The following STOX1 variants were observed in gnomAD, a reference collection of about 807,000 sequenced individuals.
The protein encoded by STOX1 is storkhead-box protein 1.
Under a neutral mutation model 74.8 loss-of-function variants are expected in STOX1, and 57 were observed. The observed-to-expected ratio is 0.76, with a 90% CI of 0.62 to 0.95. The LOEUF is 0.95. STOX1 is among the 40% of genes least tolerant of loss of function. The pLI, the probability that STOX1 is intolerant of heterozygous loss-of-function variation, is 0.00. For missense variants in STOX1, 1,010 were observed against 1,117.0 expected (o/e 0.90, Z 1.37); for synonymous variants, 375 against 401.3 (o/e 0.93, Z 0.78).
chr10:68,828,207 T>A, intron 1 of STOX1: 1 of 937,750 alleles, frequency 1.1e-6, no homozygotes, highest in Admixed American at 5.0e-5. Flanking sequence ...CTGCAGGTGC[T>A]GCGCGATGCC....
intron 1 of STOX1, among the ~76,000 whole-genome samples, chr10:68,872,799 A>G (rs1413333888): frequency 2.0e-5 from 3 of 152,138 alleles, no homozygotes; most frequent in African/African-American, 7.2e-5. Flanking sequence ...GGGCCTTAAA[A>G]TCAGATTCAA....
chr10:68,875,349 C>T (rs1367103036), intron 1 of STOX1, among the ~76,000 whole-genome samples: 2 of 152,150 alleles, frequency 1.3e-5, no homozygotes, highest in Admixed American at 6.5e-5. Flanking sequence ...TTTAGGAGTC[C>T]ACAGGGCCCC....
At position 68,842,427 on chromosome 10, in the gene STOX1, CATG is replaced by C. The variant is rs1839715553; in HGVS notation, c.310+14497_310+14499del. Among the ~76,000 whole-genome samples, 3 of 152,202 alleles carry C rather than the reference CATG, an allele frequency of 2.0e-5. No homozygotes were observed. The South Asian group carries it at 6.2e-4, about 32-fold the overall frequency. ...ATCATTTGCGATGTTAAGCTTATTC[CATG>C]ATAATTGACTCTTTTTTCTCTTAAT... On this transcript the variant is annotated intron_variant, in intron 1 of 3. Coordinates refer to ENST00000298596, the MANE Select transcript of STOX1 (RefSeq NM_152709.5).
At chr10:68,889,029 G>C (rs1212104252) in intron 3 of STOX1, among the ~76,000 whole-genome samples, 1 of 151,908 alleles carries the variant, frequency 6.6e-6, no homozygotes. Context: ...GTCACCAGCT[G>C]GAGTGCAATG....
intron 1 of STOX1, among the ~76,000 whole-genome samples, chr10:68,848,226 C>T (rs1839901346): frequency 6.6e-6 from 1 of 152,192 alleles, no homozygotes; most frequent in Non-Finnish European, 1.5e-5. Flanking sequence ...TTTTCCTTCC[C>T]ATGTCTCCTT....
chr10:68,856,090 A>G (rs1159985348), intron 1 of STOX1, among the ~76,000 whole-genome samples: 2 of 152,064 alleles, frequency 1.3e-5, no homozygotes, highest in Admixed American at 6.5e-5. Flanking sequence ...AAGAGGGCAC[A>G]GGGTAGCAGG....
intron 1 of STOX1, among the ~76,000 whole-genome samples, chr10:68,860,270 T>A (rs12766549): frequency 6.7e-6 from 1 of 149,212 alleles, no homozygotes; most frequent in Non-Finnish European, 1.5e-5. Context: ...TCTGTCTCGG[T>A]GGGGGAAAGA....
chr10:68,865,388 G>T (rs897581328), intron 1 of STOX1, among the ~76,000 whole-genome samples: 1 of 152,218 alleles, frequency 6.6e-6, no homozygotes, highest in East Asian at 1.9e-4. Context: ...AGTGGCTCAC[G>T]CCTGTAATCC....
intron 1 of STOX1, among the ~76,000 whole-genome samples, chr10:68,853,059 A>G (rs367920917): frequency 1.3e-5 from 2 of 151,738 alleles, no homozygotes; most frequent in African/African-American, 4.9e-5. Flanking sequence ...AGTAGCTGGG[A>G]TTACAGGCAT....
chr10:68,894,547 T>C (rs1357933636), downstream of STOX1, among the ~76,000 whole-genome samples: 1 of 152,158 alleles, frequency 6.6e-6, no homozygotes, highest in Non-Finnish European at 1.5e-5. Flanking sequence ...TACCACTGCA[T>C]TCTTAGAAGA....
chr10:68,874,013 C>CTTTTTTTTTTTTTTTTTTTTTTTTTT (rs1160388935), intron 1 of STOX1, among the ~76,000 whole-genome samples: 1 of 25,758 alleles, frequency 3.9e-5, no homozygotes, highest in African/African-American at 1.8e-4. Flanking sequence ...GCTAGGTAGC[C>CTTTTTTTTTTTTTTTTTTTTTTTTTT]TTTTTTTTTT....
chr10:68,827,538 G>C lies in STOX1; in HGVS notation c.-86G>C. The C allele has an allele frequency of 1.1e-6, 1 of 928,800 alleles. No homozygotes were observed. The highest frequency in any genetic ancestry group is 1.3e-6 in the Non-Finnish European group (1 of 754,526). 57.5% of individuals were successfully genotyped at this position (928,800 alleles called of 1,614,324 possible). ...AGCGCCGCGGACCCGCGCGCAGTCG[G>C]CCGATCCTCCCGCCGAGCGAGCGGC... On this transcript the variant is annotated 5_prime_UTR_variant, in exon 1 of 4. Transcript: ENST00000298596.
chr10:68,890,192 G>T (rs546799817), intron 3 of STOX1, among the ~76,000 whole-genome samples: 1 of 151,610 alleles, frequency 6.6e-6, no homozygotes, highest in Middle Eastern at 3.4e-3. Flanking sequence ...AAGAGACAAG[G>T]TCTCACACTG....
Position 68,881,741 on chromosome 10 carries a change from A to G in STOX1, c.311-217A>G, listed in dbSNP as rs1432972840. On this transcript the variant is annotated intron_variant, in intron 1 of 3. Transcript: ENST00000298596. ...CCATCTCTTACTTGTAGAGACAGTT[A>G]ATACACATTTCTTAAAAGTAGAGAC... Among the ~76,000 whole-genome samples, 9 of 146,786 alleles carry G rather than the reference A, an allele frequency of 6.1e-5. No individual in the cohort carries two copies. The East Asian group carries it at 7.7e-4, about 13-fold the overall frequency.
At chr10:68,851,802 C>T (rs893843503) in intron 1 of STOX1, among the ~76,000 whole-genome samples, 1 of 152,032 alleles carries the variant, frequency 6.6e-6, no homozygotes, top group African/African-American at 2.4e-5. Context: ...GATTGCACCA[C>T]TGTACTCCAG....
chr10:68,846,096 G>A (rs1388866352), intron 1 of STOX1, among the ~76,000 whole-genome samples: 1 of 147,924 alleles, frequency 6.8e-6, no homozygotes, highest in East Asian at 2.0e-4. Context: ...TTTTGTATGT[G>A]GTACAAGTTA....
In STOX1 at chr10:68,892,812, T is replaced by G; in HGVS notation, c.*76T>G. ...ACAGAATCTTTCAATCATGTAAGAA[T>G]TGAGTATATAAGAATTGTCTAAAGG... On this transcript the variant is annotated 3_prime_UTR_variant, in exon 4 of 4. Coordinates refer to ENST00000298596, the MANE Select transcript of STOX1 (RefSeq NM_152709.5). The G allele has an allele frequency of 1.3e-6, 2 of 1,482,122 alleles. No individual in the cohort carries two copies. The highest frequency in any genetic ancestry group is 1.9e-6 in the Non-Finnish European group (2 of 1,071,052). The allele number at this position is 1,482,122 out of a possible 1,614,324, so 91.8% of individuals were successfully genotyped here. A position where few individuals can be genotyped will look rare whatever the true frequency, so the allele number is the denominator to read the frequency against.
intron 1 of STOX1, chr10:68,829,029 T>G: frequency 3.0e-6 from 3 of 984,676 alleles, no homozygotes; most frequent in Non-Finnish European, 3.6e-6. Flanking sequence ...CTTGTTCTTG[T>G]CTGCATTTAT....
At chr10:68,833,856 G>A (rs1329971117) in intron 1 of STOX1, among the ~76,000 whole-genome samples, 2 of 152,124 alleles carry the variant, frequency 1.3e-5, no homozygotes, top group East Asian at 1.9e-4. Context: ...CATTGCACCC[G>A]GCCCGCTTCT....
Sources: allele counts gnomAD v4.1 joint callset (sites outside exome capture counted in the v4.1 genomes callset), GRCh38; gene constraint gnomAD v4.1.1; transcripts MANE v1.5; gene names NCBI Gene and HGNC (gene_info 2026-07-23, HGNC 2026-07-21).